The following NTRK3 variants were observed in gnomAD, a reference collection of about 807,000 sequenced individuals.
The protein encoded by NTRK3 is neurotrophic receptor tyrosine kinase 3.
Under a neutral mutation model 91.7 loss-of-function variants are expected in NTRK3, and 24 were observed. That is an observed-to-expected ratio of 0.26 (90% CI 0.19 to 0.37). The LOEUF (loss-of-function observed/expected upper bound fraction) is 0.37. Among genes scored for constraint, NTRK3 ranks in the 10% least tolerant of loss-of-function variants. NTRK3 has a pLI of 1.00. For synonymous variants in NTRK3, 483 were observed against 404.0 expected (o/e 1.20, Z -2.34); for missense variants, 880 against 1,068.9 (o/e 0.82, Z 2.46).
At chr15:87,877,054 C>T (rs199690201) in exon 19 of NTRK3, 50 of 1,614,014 alleles carry the variant, frequency 3.1e-5, no homozygotes, top group Admixed American at 1.3e-4. Context: ...AGCATGACAT[C>T]GTACACCTCT....
intron 13 of NTRK3, among the ~76,000 whole-genome samples, chr15:88,043,087 T>C (rs1313080115): frequency 3.9e-5 from 6 of 152,124 alleles, no homozygotes; most frequent in African/African-American, 7.2e-5. Context: ...AACTGTGGCA[T>C]AAGGATGTAG....
chr15:88,221,534 G>A (rs918362806), intron 3 of NTRK3, among the ~76,000 whole-genome samples: 3 of 152,194 alleles, frequency 2.0e-5, no homozygotes, highest in African/African-American at 7.2e-5. Context: ...GCTCACGCCT[G>A]TAATCCCAAC....
intron 14 of NTRK3, among the ~76,000 whole-genome samples, chr15:87,947,246 T>A (rs1567139554): frequency 6.9e-6 from 1 of 144,392 alleles, no homozygotes; most frequent in Non-Finnish European, 1.5e-5. Context: ...AAGCTCCAGG[T>A]GGTTACGTAA....
rs2070228436 is a variant in NTRK3 at position 87,944,501 on chromosome 15, G to C, written c.1586-3748C>G. Among the ~76,000 whole-genome samples the C allele has an allele frequency of 1.3e-5, 2 of 152,222 alleles. 1 individual carries two copies. The highest frequency in any genetic ancestry group is 4.1e-4 in the South Asian group (2 of 4,824). On this transcript the variant is annotated intron_variant, in intron 14 of 18. Coordinates refer to ENST00000394480, the Ensembl canonical transcript of NTRK3. ...TTCACAGGTGAGAAAACAGAGGCAG[G>C]GGGTAACTTGCCAAATTCACAGAGG...
intron 5 of NTRK3, among the ~76,000 whole-genome samples, chr15:88,181,146 C>A (rs973686773): frequency 2.6e-5 from 4 of 152,126 alleles, no homozygotes; most frequent in Non-Finnish European, 5.9e-5. Flanking sequence ...TCGGTAATCA[C>A]CCTGTAGCCA....
At chr15:88,200,870 C>T (rs2048242786) in intron 3 of NTRK3, among the ~76,000 whole-genome samples, 1 of 152,210 alleles carries the variant, frequency 6.6e-6, no homozygotes, top group East Asian at 1.9e-4. Context: ...CTGATTGCCA[C>T]TTCAATGAGA....
At chr15:87,915,287 C>A (rs2067370656) in intron 17 of NTRK3, among the ~76,000 whole-genome samples, 1 of 152,246 alleles carries the variant, frequency 6.6e-6, no homozygotes, top group East Asian at 1.9e-4. Context: ...TTAAGCCAGT[C>A]TTTTCTCTAT....
chr15:87,981,811 C>T (rs1389429733), intron 14 of NTRK3, among the ~76,000 whole-genome samples: 3 of 152,102 alleles, frequency 2.0e-5, no homozygotes, highest in Non-Finnish European at 4.4e-5. Flanking sequence ...CAAAAAAATT[C>T]AGCTAATTTT....
chr15:88,228,604 C>A (rs2050888376), intron 3 of NTRK3, among the ~76,000 whole-genome samples: 1 of 152,170 alleles, frequency 6.6e-6, no homozygotes, highest in South Asian at 2.1e-4. Context: ...GAAACAGACC[C>A]TCCTCCAGGA....
At chr15:87,957,526 T>A (rs2071792584) in intron 14 of NTRK3, among the ~76,000 whole-genome samples, 1 of 152,146 alleles carries the variant, frequency 6.6e-6, no homozygotes, top group Non-Finnish European at 1.5e-5. Context: ...AGTGTTGTGG[T>A]AGGATTGCAT....
intron 9 of NTRK3, 78 bp from the exon 10 acceptor site, chr15:88,135,475 G>A: frequency 6.7e-7 from 1 of 1,497,048 alleles, no homozygotes; most frequent in Non-Finnish European, 9.1e-7. Flanking sequence ...CAACTAAAAT[G>A]GGAATCCCGG....
At chr15:88,204,976 T>C (rs557979486) in intron 3 of NTRK3, among the ~76,000 whole-genome samples, 2 of 152,352 alleles carry the variant, frequency 1.3e-5, no homozygotes, top group African/African-American at 4.8e-5. Context: ...GGAAAGATGA[T>C]GCGTTTCTGA....
intron 13 of NTRK3, among the ~76,000 whole-genome samples, chr15:88,053,133 G>C (rs571623482): frequency 4.6e-5 from 7 of 152,322 alleles, no homozygotes; most frequent in African/African-American, 1.7e-4. Flanking sequence ...AACATTCTAA[G>C]GGGAGGGCAA....
intron 10 of NTRK3, among the ~76,000 whole-genome samples, chr15:88,134,515 C>G (rs148635787): frequency 1.3e-5 from 2 of 152,128 alleles, no homozygotes; most frequent in African/African-American, 4.8e-5. Flanking sequence ...AAGCCACAGA[C>G]CTGGGGGCCT....
intron 17 of NTRK3, among the ~76,000 whole-genome samples, chr15:87,896,569 C>T (rs1343499421): frequency 6.6e-6 from 1 of 151,706 alleles, no homozygotes; most frequent in African/African-American, 2.4e-5. Flanking sequence ...TATAGTTTTC[C>T]TTCTTTTTAT....
chr15:87,910,542 A>C (rs1232596659), intron 17 of NTRK3, among the ~76,000 whole-genome samples: 2 of 152,272 alleles, frequency 1.3e-5, no homozygotes, highest in Non-Finnish European at 2.9e-5. Flanking sequence ...GGAGGCTTAC[A>C]GATTAAGCAA....
In NTRK3 at chr15:88,180,015, C is replaced by A. The variant is rs369188022; in HGVS notation, c.395+3403G>T. Among the ~76,000 whole-genome samples the A allele has an allele frequency of 3.3e-5, 5 of 152,274 alleles. No homozygotes were observed. The East Asian group carries it at 9.6e-4, about 29-fold the overall frequency. The stretch of plus-strand genomic sequence containing the variant: ...AATACCCATCAAGGTCACCTAACCC[C>A]TTCTCTTTGATTCTATCATCACCAC... On this transcript the variant is annotated intron_variant, in intron 5 of 18. Coordinates refer to ENST00000394480, the Ensembl canonical transcript of NTRK3.
intron 13 of NTRK3, among the ~76,000 whole-genome samples, chr15:88,094,850 C>A (rs1007162223): frequency 3.3e-5 from 5 of 152,182 alleles, no homozygotes; most frequent in Admixed American, 3.3e-4. Context: ...CTGTTGCTGT[C>A]AATTATTATT....
At chr15:88,156,868 A>G (rs2043952645) in intron 5 of NTRK3, among the ~76,000 whole-genome samples, 1 of 152,138 alleles carries the variant, frequency 6.6e-6, no homozygotes, top group South Asian at 2.1e-4. Flanking sequence ...GAACGTATGG[A>G]AAGTTCAACG....
Sources: gnomAD v4.1 joint callset for allele counts (sites outside exome capture counted in the v4.1 genomes callset) on GRCh38, gnomAD v4.1.1 for gene constraint, MANE v1.5 for transcripts, NCBI Gene and HGNC (gene_info 2026-07-23, HGNC 2026-07-21) for gene names.